MGMT: variants seen among roughly 807,000 people sequenced by gnomAD.
The protein encoded by MGMT is methylated-DNA--protein-cysteine methyltransferase.
Under a neutral mutation model 15.9 loss-of-function variants are expected in MGMT, and 14 were observed. That is an observed-to-expected ratio of 0.88 (90% CI 0.58 to 1.37). The LOEUF (loss-of-function observed/expected upper bound fraction) is 1.37. Ranked by LOEUF, MGMT falls within the 40% of genes most tolerant of loss-of-function variation. MGMT has a pLI of 0.00. For synonymous variants in MGMT, 130 were observed against 118.2 expected, an observed-to-expected ratio of 1.10 and a Z score of -0.65; for missense variants, 282 against 268.1, an observed-to-expected ratio of 1.05 and a Z score of -0.36.
chr10:129,753,143 A>C (rs972428578), intron 3 of MGMT, among the ~76,000 whole-genome samples: 1 of 152,150 alleles, frequency 6.6e-6, no homozygotes, highest in South Asian at 2.1e-4. Flanking sequence ...CAGCACTTCA[A>C]AAGTGCTGTT....
chr10:129,763,122 G>C (rs558915068), intron 4 of MGMT, among the ~76,000 whole-genome samples: 2 of 152,050 alleles, frequency 1.3e-5, no homozygotes, highest in East Asian at 3.9e-4. Flanking sequence ...TTTGAGAAAG[G>C]GGCTGCATAA....
At chr10:129,604,747 C>T (rs1047660724) in intron 2 of MGMT, among the ~76,000 whole-genome samples, 1 of 145,176 alleles carries the variant, frequency 6.9e-6, no homozygotes, top group South Asian at 2.5e-4. Context: ...ACCCCCTCCC[C>T]CCGGCTTTCA....
chr10:129,664,850 C>T (rs1847639587), intron 2 of MGMT, among the ~76,000 whole-genome samples: 1 of 152,152 alleles, frequency 6.6e-6, no homozygotes, highest in South Asian at 2.1e-4. Context: ...TGAAAATATG[C>T]TCAACATCTT....
chr10:129,654,792 T>C (rs1564749957), intron 2 of MGMT, among the ~76,000 whole-genome samples: 1 of 152,022 alleles, frequency 6.6e-6, no homozygotes, highest in Non-Finnish European at 1.5e-5. Context: ...TTAGGCCCCT[T>C]GTCATGACAC....
chr10:129,704,496 C>T (rs1007978088), intron 2 of MGMT, among the ~76,000 whole-genome samples: 9 of 152,014 alleles, frequency 5.9e-5, no homozygotes, highest in African/African-American at 1.9e-4. Context: ...CTGGGTAAGG[C>T]GGCAGTTTGG....
chr10:129,529,014 T>C (rs996278137), intron 1 of MGMT, among the ~76,000 whole-genome samples: 1 of 151,086 alleles, frequency 6.6e-6, no homozygotes, highest in South Asian at 2.1e-4. Flanking sequence ...AAAGAAGGGG[T>C]GGAGGTGGTG....
intron 3 of MGMT, among the ~76,000 whole-genome samples, chr10:129,731,510 C>A (rs2133162778): frequency 6.6e-6 from 1 of 151,976 alleles, no homozygotes; most frequent in East Asian, 1.9e-4. Flanking sequence ...TGCCGGCTGC[C>A]TCCTCAAGCA....
At chr10:129,583,815 C>T (rs1846585913) in intron 2 of MGMT, among the ~76,000 whole-genome samples, 1 of 152,190 alleles carries the variant, frequency 6.6e-6, no homozygotes, top group African/African-American at 2.4e-5. Context: ...ACTGCCATGT[C>T]TTTGAAACCT....
intron 3 of MGMT, among the ~76,000 whole-genome samples, chr10:129,731,211 G>C (rs1007826648): frequency 1.2e-5 from 1 of 84,134 alleles, no homozygotes; most frequent in African/African-American, 5.4e-5. Context: ...TGCCAGGCCC[G>C]GTCGGGCTCA....
chr10:129,697,619 G>T (rs1043445876), intron 2 of MGMT, among the ~76,000 whole-genome samples: 1 of 152,220 alleles, frequency 6.6e-6, no homozygotes, highest in African/African-American at 2.4e-5. Context: ...GTGCAGTGTT[G>T]TGCGAGAGCT....
chr10:129,708,156 T>TA, intron 3 of MGMT, 113 bp downstream of exon 3: 1 of 1,395,904 alleles, frequency 7.2e-7, no homozygotes, highest in East Asian at 2.3e-5. Context: ...TTACATCAGC[T>TA]AAACAGAGGC....
At chr10:129,657,325 A>C (rs549999364) in intron 2 of MGMT, among the ~76,000 whole-genome samples, 1 of 151,786 alleles carries the variant, frequency 6.6e-6, no homozygotes, top group African/African-American at 2.4e-5. Context: ...TAATTGTGAA[A>C]TAGGCCAGAA....
At chr10:129,577,687 G>A (rs1352448737) in intron 2 of MGMT, among the ~76,000 whole-genome samples, 2 of 152,098 alleles carry the variant, frequency 1.3e-5, no homozygotes, top group African/African-American at 2.4e-5. Flanking sequence ...TTGACAAATG[G>A]GATCTAATTA....
intron 2 of MGMT, among the ~76,000 whole-genome samples, chr10:129,637,424 A>G (rs1297388197): frequency 6.6e-6 from 1 of 152,224 alleles, no homozygotes; most frequent in East Asian, 1.9e-4. Flanking sequence ...TAGGTGCTCA[A>G]CACAGGCTGG....
intron 2 of MGMT, among the ~76,000 whole-genome samples, chr10:129,562,170 C>T (rs1846287969): frequency 6.6e-6 from 1 of 152,180 alleles, no homozygotes; most frequent in Non-Finnish European, 1.5e-5. Flanking sequence ...CCATTCATGA[C>T]CAAAATCCTT....
chr10:129,695,125 G>A (rs867248760), intron 2 of MGMT, among the ~76,000 whole-genome samples: 15 of 151,816 alleles, frequency 9.9e-5, no homozygotes, highest in African/African-American at 3.6e-4. Flanking sequence ...TAGTTGCTGA[G>A]GATTTTTTTG....
At chr10:129,505,944 T>C (rs1845620423) in intron 1 of MGMT, among the ~76,000 whole-genome samples, 1 of 148,676 alleles carries the variant, frequency 6.7e-6, no homozygotes, top group Non-Finnish European at 1.5e-5. Flanking sequence ...CAACAGGCTT[T>C]GTGAATTGCT....
chr10:129,710,448 G>A (rs1848219356), intron 3 of MGMT, among the ~76,000 whole-genome samples: 1 of 152,234 alleles, frequency 6.6e-6, no homozygotes, highest in African/African-American at 2.4e-5. Flanking sequence ...GGCCAGGCCT[G>A]CCTGCGGATG....
chr10:129,633,065 G>A (rs1331405534), intron 2 of MGMT, among the ~76,000 whole-genome samples: 1 of 152,196 alleles, frequency 6.6e-6, no homozygotes, highest in Non-Finnish European at 1.5e-5. Context: ...CGGAAATGGG[G>A]ATGTTTTTGT....
Sources: allele counts gnomAD v4.1 joint callset (sites outside exome capture counted in the v4.1 genomes callset), GRCh38; gene constraint gnomAD v4.1.1; transcripts MANE v1.5; gene names NCBI Gene and HGNC (gene_info 2026-07-23, HGNC 2026-07-21).